GBE1: variants seen among roughly 807,000 people sequenced by gnomAD.
GBE1 encodes 1,4-alpha-glucan-branching enzyme.
GBE1 carries 70 observed loss-of-function variants against 88.8 expected under a neutral mutation model. That is an observed-to-expected ratio of 0.79 (90% confidence interval 0.65 to 0.96). GBE1 has a LOEUF of 0.96. Among genes scored for constraint, GBE1 ranks in the 40% least tolerant of loss-of-function variants. GBE1 has a pLI of 0.00. For missense variants in GBE1, 872 were observed against 871.0 expected (o/e 1.00, Z -0.01); for synonymous variants, 284 against 300.1 (o/e 0.95, Z 0.56).
chr3:81,494,506 A>T (rs898595739), intron 15 of GBE1, among the ~76,000 whole-genome samples: 1 of 152,226 alleles, frequency 6.6e-6, no homozygotes, highest in South Asian at 2.1e-4. Context: ...TATAAAAAGT[A>T]TATTGATGTA....
chr3:81,617,626 T>G (rs1221939318), intron 7 of GBE1, among the ~76,000 whole-genome samples: 1 of 151,996 alleles, frequency 6.6e-6, no homozygotes, highest in Non-Finnish European at 1.5e-5. Context: ...TTTGCTAATA[T>G]CTTGTTAAGA....
At chr3:81,570,221 T>G (rs1402453606) in intron 12 of GBE1, among the ~76,000 whole-genome samples, 2 of 152,186 alleles carry the variant, frequency 1.3e-5, no homozygotes, top group African/African-American at 4.8e-5. Flanking sequence ...AGAAACAGAA[T>G]GTTAAATTAG....
intron 7 of GBE1, among the ~76,000 whole-genome samples, chr3:81,642,339 G>C (rs1367487629): frequency 5.3e-5 from 8 of 151,942 alleles, no homozygotes. Context: ...AGTAACTGTT[G>C]TTTTATAGTT....
At chr3:81,641,920 A>G (rs545370034) in intron 7 of GBE1, among the ~76,000 whole-genome samples, 250 of 149,212 alleles carry the variant, frequency 1.7e-3, no homozygotes, top group African/African-American at 5.9e-3. Context: ...AAATATATAT[A>G]ATATGTATAT....
At chr3:81,511,713 G>C (rs1022112669) in intron 14 of GBE1, among the ~76,000 whole-genome samples, 3 of 151,912 alleles carry the variant, frequency 2.0e-5, no homozygotes, top group South Asian at 2.1e-4. Context: ...CAGAGAAAAG[G>C]GAACACTTAT....
At chr3:81,639,547 G>A (rs1465044833) in intron 7 of GBE1, among the ~76,000 whole-genome samples, 7 of 152,166 alleles carry the variant, frequency 4.6e-5, no homozygotes, top group Non-Finnish European at 4.4e-5. Flanking sequence ...TTAAGGATAT[G>A]TGCAAAAATT....
chr3:81,530,270 A>ATT (rs71108322), intron 14 of GBE1, among the ~76,000 whole-genome samples: 4 of 142,068 alleles, frequency 2.8e-5, no homozygotes, highest in Admixed American at 7.0e-5. Flanking sequence ...TTGCTATTTC[A>ATT]TTTTTTTTTT....
intron 14 of GBE1, among the ~76,000 whole-genome samples, chr3:81,530,785 C>T (rs1037713877): frequency 5.9e-5 from 9 of 151,952 alleles, no homozygotes; most frequent in African/African-American, 2.2e-4. Flanking sequence ...CAGCACACTA[C>T]TAGTCCTCAC....
rs552428135 is a variant in GBE1 at position 81,693,821 on chromosome 3, C to T, written c.313+11623G>A. Among the ~76,000 whole-genome samples, 4 of 151,932 alleles carry T rather than the reference C, an allele frequency of 2.6e-5. 1 individual carries two copies. The highest frequency in any genetic ancestry group is 9.7e-5 in the African/African-American group (4 of 41,422). On this transcript the variant is annotated intron_variant, in intron 2 of 15. Coordinates refer to ENST00000429644, the MANE Select transcript of GBE1 (RefSeq NM_000158.4). The stretch of plus-strand genomic sequence containing the variant: ...AGTGAATTACATGTGAATATCAACA[C>T]TATTTAGAGGAAAATACAATTTTAA...
chr3:81,620,905 C>T (rs1704321118), intron 7 of GBE1, among the ~76,000 whole-genome samples: 1 of 152,096 alleles, frequency 6.6e-6, no homozygotes, highest in African/African-American at 2.4e-5. Context: ...GGAGGAAGTG[C>T]ATTCCAAATG....
At chr3:81,723,687 A>G (rs1295344660) in intron 1 of GBE1, among the ~76,000 whole-genome samples, 1 of 152,172 alleles carries the variant, frequency 6.6e-6, no homozygotes, top group Non-Finnish European at 1.5e-5. Context: ...TAAATACTAA[A>G]AGTAGTGGCA....
chr3:81,622,493 T>C (rs1704346666), intron 7 of GBE1, among the ~76,000 whole-genome samples: 1 of 152,214 alleles, frequency 6.6e-6, no homozygotes, highest in Non-Finnish European at 1.5e-5. Flanking sequence ...CTTCAGATGA[T>C]CTGATACAAG....
chr3:81,592,662 A>G (rs1703895302), intron 8 of GBE1, among the ~76,000 whole-genome samples: 1 of 152,100 alleles, frequency 6.6e-6, no homozygotes, highest in African/African-American at 2.4e-5. Flanking sequence ...TGGATTCTGT[A>G]TCTATAAAAA....
chr3:81,617,418 T>C (rs1704262976), intron 7 of GBE1, among the ~76,000 whole-genome samples: 1 of 151,974 alleles, frequency 6.6e-6, no homozygotes, highest in Non-Finnish European at 1.5e-5. Flanking sequence ...TCTGTTCCTA[T>C]TACTCTGAGC....
chr3:81,585,050 G>C lies in GBE1; in HGVS notation c.1335+1042C>G, dbSNP rs1261464069. ...TTTTTTTTAAAGTAACAAATACAAG[G>C]CTACGTTCCCATGTATTAAAGGAGA... On this transcript the variant is annotated intron_variant, in intron 10 of 15. Transcript: ENST00000429644. 2.6e-5 allele frequency among the ~76,000 whole-genome samples: 4 copies of C among 152,090 alleles called. No individual in the cohort carries two copies. In the East Asian group the frequency reaches 7.7e-4, roughly 29 times the overall value.
chr3:81,596,369 G>A (rs901510633), intron 7 of GBE1, among the ~76,000 whole-genome samples: 1 of 151,816 alleles, frequency 6.6e-6, no homozygotes, highest in Admixed American at 6.6e-5. Context: ...CATGCACCAT[G>A]TTGGTGTGCT....
chr3:81,490,493 T>A (rs866014939), intron 15 of GBE1, 30 bp from the exon 16 acceptor site: 4 of 1,574,462 alleles, frequency 2.5e-6, no homozygotes, highest in Non-Finnish European at 3.5e-6. Flanking sequence ...TCAGTGCAAT[T>A]GAAGAAAGTA....
intron 7 of GBE1, among the ~76,000 whole-genome samples, chr3:81,629,178 C>T (rs183446328): frequency 1.8e-5 from 2 of 112,530 alleles, no homozygotes; most frequent in African/African-American, 3.5e-5. Flanking sequence ...TCCCTCCCCC[C>T]TCCCCCGACC....
intron 14 of GBE1, among the ~76,000 whole-genome samples, chr3:81,510,228 C>T (rs1258359358): frequency 6.6e-6 from 1 of 152,094 alleles, no homozygotes; most frequent in African/African-American, 2.4e-5. Context: ...CTACCACCAT[C>T]TTGCAGATAA....
Sources: gnomAD v4.1 joint callset for allele counts (sites outside exome capture counted in the v4.1 genomes callset) on GRCh38, gnomAD v4.1.1 for gene constraint, MANE v1.5 for transcripts, NCBI Gene and HGNC (gene_info 2026-07-23, HGNC 2026-07-21) for gene names.